ANKRD27: variants seen among roughly 807,000 people sequenced by gnomAD.
ANKRD27 encodes the protein ankyrin repeat domain 27.
Under a neutral mutation model 129.7 loss-of-function variants are expected in ANKRD27, and 112 were observed. The ratio of observed to expected loss-of-function variants is 0.86; its 90% CI spans 0.74 to 1.01. The LOEUF is 1.01. ANKRD27 is among the 50% of genes least tolerant of loss of function. The probability of loss-of-function intolerance (pLI) is 0.00; values close to 1 mark genes in which losing one functional copy is unlikely to be tolerated. For missense variants in ANKRD27, 1,258 were observed against 1,300.5 expected, an observed-to-expected ratio of 0.97 and a Z score of 0.50; for synonymous variants, 516 against 511.2, an observed-to-expected ratio of 1.01 and a Z score of -0.13.
At chr19:32,665,380 C>G (rs1041957731) in intron 1 of ANKRD27, among the ~76,000 whole-genome samples, 1 of 151,886 alleles carries the variant, frequency 6.6e-6, no homozygotes, top group African/African-American at 2.4e-5. Flanking sequence ...ACCTTTGCCT[C>G]CCGGGTTCAA....
intron 25 of ANKRD27, among the ~76,000 whole-genome samples, chr19:32,603,437 G>A (rs1264382451): frequency 2.0e-5 from 3 of 152,220 alleles, no homozygotes; most frequent in South Asian, 2.1e-4. Flanking sequence ...AAGAGCTGCC[G>A]CTCGCCAGGG....
chr19:32,638,845 G>A (rs184764557), intron 12 of ANKRD27: 17 of 174,644 alleles, frequency 9.7e-5, no homozygotes, highest in South Asian at 3.6e-4. Flanking sequence ...CATACCCCTC[G>A]CCACTCCACA....
At position 32,641,904 on chromosome 19, in the gene ANKRD27, G is replaced by T. The variant is rs546480335; in HGVS notation, c.904+120C>A. The T allele has an allele frequency of 4.0e-6, 5 of 1,259,224 alleles. No homozygotes were observed. The Admixed American group carries it at 8.0e-5, about 20-fold the overall frequency. 78.0% of individuals were successfully genotyped at this position (1,259,224 alleles called of 1,614,324 possible). A position where few individuals can be genotyped will look rare whatever the true frequency, so the allele number is the denominator to read the frequency against. On this transcript the variant is annotated intron_variant, in intron 10 of 28. Transcript: ENST00000306065. ...CACCTTGGCCTCCCAAAGCACTGGG[G>T]TTACAGAGGTGAGCCACTGCACCCA... is the stretch of plus-strand genomic sequence containing the variant.
chr19:32,598,437 A>G (rs1971603453), intron 28 of ANKRD27, 59 bp from the exon 29 acceptor site: 6 of 1,536,094 alleles, frequency 3.9e-6, no homozygotes, highest in Non-Finnish European at 5.4e-6. Flanking sequence ...AGCCACAACC[A>G]TGACAGTGAC....
At chr19:32,634,856 A>G (rs1247912698) in intron 12 of ANKRD27, among the ~76,000 whole-genome samples, 5 of 152,160 alleles carry the variant, frequency 3.3e-5, no homozygotes, top group African/African-American at 1.2e-4. Flanking sequence ...TGGAGGTTGC[A>G]TTGAGCTGAG....
Position 32,631,405 on chromosome 19 carries a change from A to C in ANKRD27, c.1206T>G (p.Phe402Leu), listed in dbSNP as rs745803327. The C allele has an allele frequency of 2.5e-6, 4 of 1,613,570 alleles. No individual in the cohort carries two copies. In the East Asian group the frequency reaches 6.7e-5, roughly 27 times the overall value. Residue 402 changes from phenylalanine (F) to leucine (L), a missense_variant, in exon 13 of 29, where the codon TTT (phenylalanine) becomes TTG (leucine). Phe to Leu is a conservative substitution (Grantham distance 22). Transcript: ENST00000306065. ...CAGAGATGTCTTGGTATCTCACCTTAAACAGGCAGTCGGTGGGAGACGAAG... is the reference window on the plus strand; with the variant it reads ...CAGAGATGTCTTGGTATCTCACCTTCAACAGGCAGTCGGTGGGAGACGAAG... The part of the protein sequence containing the change: ...QMTSSPTDCL[F>L]KHIASGNQKE...
intron 21 of ANKRD27, among the ~76,000 whole-genome samples, chr19:32,616,384 C>A (rs1971919739): frequency 6.6e-6 from 1 of 152,042 alleles, no homozygotes; most frequent in Non-Finnish European, 1.5e-5. Flanking sequence ...GAAACCCCGT[C>A]TCTGCTAAAA....
intron 10 of ANKRD27, 44 bp downstream of exon 10, chr19:32,641,980 A>G: frequency 8.6e-6 from 13 of 1,508,662 alleles, no homozygotes; most frequent in Non-Finnish European, 1.2e-5. Context: ...TTTCATCTGG[A>G]TGTAGCATCT....
At chr19:32,623,542 A>G (rs1599746361) in intron 17 of ANKRD27, among the ~76,000 whole-genome samples, 1 of 147,668 alleles carries the variant, frequency 6.8e-6, no homozygotes, top group African/African-American at 2.5e-5. Flanking sequence ...CCATGAAAAG[A>G]GACCTGTTGT....
At chr19:32,619,981 CCT>C (rs948006584) in intron 18 of ANKRD27, among the ~76,000 whole-genome samples, 1 of 152,120 alleles carries the variant, frequency 6.6e-6, no homozygotes, top group African/African-American at 2.4e-5. Context: ...GAGAAGGCAG[CCT>C]CTCTTTTCCT....
At chr19:32,660,942 A>C (rs1967632290) in intron 1 of ANKRD27, among the ~76,000 whole-genome samples, 1 of 149,220 alleles carries the variant, frequency 6.7e-6, no homozygotes, top group African/African-American at 2.6e-5. Context: ...GGCTGGCTGT[A>C]ATCACAGCAC....
chr19:32,674,792 C>A (rs1158247538), intron 1 of ANKRD27, among the ~76,000 whole-genome samples: 5 of 152,016 alleles, frequency 3.3e-5, no homozygotes, highest in Non-Finnish European at 4.4e-5. Context: ...GGTGTCGACG[C>A]AGCGAGGCTC....
intron 23 of ANKRD27, 92 bp from the exon 24 acceptor site, chr19:32,606,046 T>A (rs1971729705): frequency 8.5e-7 from 1 of 1,182,244 alleles, no homozygotes; most frequent in Non-Finnish European, 1.1e-6. Context: ...AATAAATAAA[T>A]AAAATAAGAA....
chr19:32,618,183 A>G lies in ANKRD27; in HGVS notation c.2008-550T>C, dbSNP rs370574031. 4.6e-4 allele frequency among the ~76,000 whole-genome samples: 70 copies of G among 152,136 alleles called. 1 individual carries two copies. The East Asian group carries it at 0.013, about 28-fold the overall frequency. On this transcript the variant is annotated intron_variant, in intron 20 of 28. Transcript: ENST00000306065. Reference sequence around the variant, plus strand: ...ACTGTAACTTTATCAGTGGAATTGTATAAATGTATATGTATATTTATATGT... The same window carrying G: ...ACTGTAACTTTATCAGTGGAATTGTGTAAATGTATATGTATATTTATATGT...
rs902287890 is a variant in ANKRD27, at chr19:32,643,581, G to A, written c.576C>T (p.Asp192=). ...YTKCLQQLLR[D]SHLKMLAKQE... is the part of the protein sequence containing the mutation. ...AAGTCCTGCTGCTTACCAGGTGAGA[G>A]TCCCTCAGAAGCTGCTGGAGGCATT... Residue 192 remains aspartate (D), a synonymous_variant, in exon 6 of 29, where the codon GAC becomes GAT. Transcript: ENST00000306065. The A allele has an allele frequency of 3.1e-6, 5 of 1,613,864 alleles. No individual in the cohort carries two copies. In the African/African-American group the frequency reaches 6.7e-5, roughly 22 times the overall value.
intron 13 of ANKRD27, among the ~76,000 whole-genome samples, chr19:32,630,381 G>C (rs1254530431): frequency 6.6e-6 from 1 of 152,202 alleles, no homozygotes. Flanking sequence ...TGAGCAGGGA[G>C]CTGCCCCCAT....
Position 32,599,613 on chromosome 19 carries a change from T to A in ANKRD27, c.2919+91A>T. 6.0e-6 allele frequency: 7 copies of A among 1,159,148 alleles called. No individual in the cohort carries two copies. In the East Asian group the frequency reaches 1.2e-4, roughly 19 times the overall value. 71.8% of individuals were successfully genotyped at this position (1,159,148 alleles called of 1,614,324 possible). The stretch of plus-strand genomic sequence containing the variant: ...CATACGGCGCACGGAATAATGAAGA[T>A]GACGATCAAGGAGACGTGTTTACCA... On this transcript the variant is annotated intron_variant, in intron 28 of 28. Transcript: ENST00000306065.
chr19:32,608,088 C>T (rs1335758162), intron 22 of ANKRD27, among the ~76,000 whole-genome samples: 1 of 151,546 alleles, frequency 6.6e-6, no homozygotes, highest in Non-Finnish European at 1.5e-5. Flanking sequence ...ACTACAGCCT[C>T]GACCTCCTAG....
intron 16 of ANKRD27, among the ~76,000 whole-genome samples, chr19:32,626,444 G>A (rs1455150555): frequency 6.6e-6 from 1 of 151,360 alleles, no homozygotes; most frequent in Non-Finnish European, 1.5e-5. Context: ...AAAGCACTGG[G>A]ATTACAGGCG....
Sources: gnomAD v4.1 joint callset for allele counts (sites outside exome capture counted in the v4.1 genomes callset) on GRCh38, gnomAD v4.1.1 for gene constraint, MANE v1.5 for transcripts, NCBI Gene and HGNC (gene_info 2026-07-23, HGNC 2026-07-21) for gene names.